Variants in ENTREP2 observed in about 807,000 individuals in gnomAD.
The protein encoded by ENTREP2 is protein ENTREP2.
the ENTREP2 span, among the ~76,000 whole-genome samples, chr15:29,263,493 G>A: frequency 1.3e-5 from 2 of 152,242 alleles, no homozygotes; most frequent in Non-Finnish European, 2.9e-5. Context: ...TGGAGCCCAC[G>A]TGGGAAGCTA....
the ENTREP2 span, among the ~76,000 whole-genome samples, chr15:29,596,134 T>C: frequency 6.6e-6 from 1 of 152,156 alleles, no homozygotes; most frequent in African/African-American, 2.4e-5. Flanking sequence ...GAGCAAAATA[T>C]ATTAGGTTTG....
At chr15:29,306,824 C>A in the ENTREP2 span, among the ~76,000 whole-genome samples, 1 of 151,680 alleles carries the variant, frequency 6.6e-6, no homozygotes, top group Admixed American at 6.6e-5. Flanking sequence ...CAGCTCACTG[C>A]AACTTCCGCC....
chr15:29,210,301 G>A, the ENTREP2 span, among the ~76,000 whole-genome samples: 40 of 152,300 alleles, frequency 2.6e-4, no homozygotes, highest in African/African-American at 8.4e-4. Context: ...TGGGTCAAAC[G>A]TGCCTGCACA....
chr15:29,600,915 TGAGACAGAGTCTCGC>T, the ENTREP2 span, among the ~76,000 whole-genome samples: 69 of 143,310 alleles, frequency 4.8e-4, no homozygotes, highest in African/African-American at 1.5e-3. Context: ...TTTTTTTTTT[TGAGACAGAGTCTCGC>T]TCTTTTGCCC....
chr15:29,382,371 A>G, the ENTREP2 span, among the ~76,000 whole-genome samples: 1 of 151,884 alleles, frequency 6.6e-6, no homozygotes, highest in Non-Finnish European at 1.5e-5. Context: ...TGGGCATGGC[A>G]GACCCTGCAG....
the ENTREP2 span, among the ~76,000 whole-genome samples, chr15:29,393,483 T>G: frequency 6.6e-6 from 1 of 152,194 alleles, no homozygotes; most frequent in Non-Finnish European, 1.5e-5. Flanking sequence ...CGCTGCTCCC[T>G]GTCATTGTGA....
chr15:29,392,214 G>A, the ENTREP2 span, among the ~76,000 whole-genome samples: 8 of 148,992 alleles, frequency 5.4e-5, no homozygotes, highest in African/African-American at 1.2e-4. Context: ...CACCCGCCTC[G>A]GCCTCCCAAA....
At chr15:29,553,113 T>G in the ENTREP2 span, among the ~76,000 whole-genome samples, 1 of 152,062 alleles carries the variant, frequency 6.6e-6, no homozygotes, top group East Asian at 1.9e-4. Flanking sequence ...CTAGCCAGCA[T>G]GGCGAAACCC....
At chr15:29,141,763 C>T in the ENTREP2 span, among the ~76,000 whole-genome samples, 22 of 152,334 alleles carry the variant, frequency 1.4e-4, no homozygotes, top group African/African-American at 4.3e-4. Flanking sequence ...TTGTTACTAC[C>T]GAAGTTTGCT....
At chr15:29,406,567 AT>A in the ENTREP2 span, among the ~76,000 whole-genome samples, 1 of 152,028 alleles carries the variant, frequency 6.6e-6, no homozygotes, top group South Asian at 2.1e-4. Context: ...AAAAAAGAAT[AT>A]TAAAAAATAT....
At chr15:29,568,573 A>T in the ENTREP2 span, among the ~76,000 whole-genome samples, 1 of 152,058 alleles carries the variant, frequency 6.6e-6, no homozygotes, top group Non-Finnish European at 1.5e-5. Context: ...GCATGGTGGT[A>T]CACACCTGTA....
chr15:29,442,592 G>A, the ENTREP2 span, among the ~76,000 whole-genome samples: 1 of 152,146 alleles, frequency 6.6e-6, no homozygotes. Context: ...GCCCCCATCA[G>A]GGCACACACA....
At chr15:29,124,635 C>T in the ENTREP2 span, 4 of 1,483,372 alleles carry the variant, frequency 2.7e-6, no homozygotes, top group Admixed American at 3.9e-5. Context: ...CCAACACCCG[C>T]CCCACCTCCC....
the ENTREP2 span, among the ~76,000 whole-genome samples, chr15:29,336,080 T>C: frequency 7.4e-6 from 1 of 135,520 alleles, no homozygotes; most frequent in Non-Finnish European, 1.5e-5. Flanking sequence ...AGGTGGAGCT[T>C]GCAGTGAGCC....
At chr15:29,651,992 A>G in the ENTREP2 span, among the ~76,000 whole-genome samples, 6,921 of 152,180 alleles carry the variant, frequency 0.045, 184 homozygotes, top group South Asian at 0.065. Flanking sequence ...TGTGGATTGG[A>G]GGGGGAACTC....
At chr15:29,372,661 C>A in the ENTREP2 span, among the ~76,000 whole-genome samples, 1 of 152,108 alleles carries the variant, frequency 6.6e-6, no homozygotes. Flanking sequence ...TTTACAAACT[C>A]ATTCTAAATT....
chr15:29,120,085 C>T, the ENTREP2 span, among the ~76,000 whole-genome samples: 7 of 152,222 alleles, frequency 4.6e-5, no homozygotes, highest in Non-Finnish European at 7.3e-5. Context: ...CACTCTGCCC[C>T]GGAGTTGACC....
the ENTREP2 span, among the ~76,000 whole-genome samples, chr15:29,394,743 C>G: frequency 7.2e-3 from 1,102 of 152,210 alleles, 13 homozygotes; most frequent in African/African-American, 0.025. Flanking sequence ...TTCCCTCCCC[C>G]ACTCTAGCCC....
chr15:29,185,251 C>G, the ENTREP2 span, among the ~76,000 whole-genome samples: 1 of 152,226 alleles, frequency 6.6e-6, no homozygotes, highest in East Asian at 1.9e-4. Flanking sequence ...TTATAGGATT[C>G]CCTGCTCAGC....
Sources: allele counts gnomAD v4.1 joint callset (sites outside exome capture counted in the v4.1 genomes callset), GRCh38; gene constraint gnomAD v4.1.1; transcripts MANE v1.5; gene names NCBI Gene and HGNC (gene_info 2026-07-23, HGNC 2026-07-21).